The following CACUL1 variants were observed in gnomAD, a reference collection of about 807,000 sequenced individuals.
CACUL1 encodes CDK2 associated cullin domain 1, also known as CDK2-associated and cullin domain-containing protein 1.
CACUL1 carries 13 observed loss-of-function variants against 45.2 expected under a neutral mutation model. The ratio of observed to expected loss-of-function variants is 0.29; its 90% CI spans 0.19 to 0.46. The LOEUF is 0.46. CACUL1 is among the 20% of genes least tolerant of loss of function. The pLI is 1.00. For missense variants in CACUL1, 421 were observed against 471.4 expected (o/e 0.89, Z 0.99); for synonymous variants, 197 against 174.2 (o/e 1.13, Z -1.03).
intron 3 of CACUL1, chr10:118,726,358 C>G: frequency 2.3e-6 from 3 of 1,284,486 alleles, no homozygotes; most frequent in Non-Finnish European, 1.0e-6. Flanking sequence ...CATTTAGTTA[C>G]TCAGCATTCA....
chr10:118,699,376 T>A (rs1458554513), intron 5 of CACUL1, among the ~76,000 whole-genome samples: 2 of 152,212 alleles, frequency 1.3e-5, no homozygotes, highest in African/African-American at 2.4e-5. Context: ...GACAACATGA[T>A]TATGATTATG....
intron 3 of CACUL1, among the ~76,000 whole-genome samples, chr10:118,720,550 G>A (rs1845590402): frequency 6.6e-6 from 1 of 152,174 alleles, no homozygotes; most frequent in Admixed American, 6.5e-5. Flanking sequence ...AATGTACTCT[G>A]TACAAATGCA....
intron 1 of CACUL1, among the ~76,000 whole-genome samples, chr10:118,733,754 G>A (rs1845718361): frequency 6.6e-6 from 1 of 152,188 alleles, no homozygotes; most frequent in South Asian, 2.1e-4. Flanking sequence ...GCTCATGCCT[G>A]TAATCCCAGC....
chr10:118,691,150 G>T, intron 7 of CACUL1, 115 bp downstream of exon 7: 2 of 844,394 alleles, frequency 2.4e-6, no homozygotes, highest in Non-Finnish European at 3.7e-6. Context: ...GCAGCAGCAA[G>T]ACTCTTGGCC....
intron 4 of CACUL1, among the ~76,000 whole-genome samples, chr10:118,703,166 A>C (rs940609662): frequency 5.9e-5 from 9 of 152,320 alleles, no homozygotes; most frequent in South Asian, 4.1e-4. Flanking sequence ...AAAAACAGAA[A>C]GCATGCAAAA....
intron 3 of CACUL1, chr10:118,726,462 GA>G: frequency 2.4e-6 from 1 of 413,802 alleles, no homozygotes. Flanking sequence ...AAGGGCCTGT[GA>G]AGTAGTCAGA....
intron 1 of CACUL1, among the ~76,000 whole-genome samples, chr10:118,753,654 A>G (rs1396260828): frequency 1.3e-5 from 2 of 152,256 alleles, no homozygotes; most frequent in Non-Finnish European, 2.9e-5. Context: ...AATGCGTGCA[A>G]TTGAGCGTTA....
intron 3 of CACUL1, among the ~76,000 whole-genome samples, chr10:118,710,208 G>A (rs10886290): frequency 0.3 from 45,653 of 151,742 alleles, 6,964 homozygotes; most frequent in East Asian, 0.39. Context: ...TTACAGGTGT[G>A]AGCCACCACA....
intron 6 of CACUL1, 86 bp downstream of exon 6, chr10:118,695,055 C>A: frequency 2.4e-6 from 2 of 817,796 alleles, no homozygotes; most frequent in Non-Finnish European, 4.2e-6. Flanking sequence ...ACCATTAAGC[C>A]TCACAAAACA....
chr10:118,721,154 A>T (rs1845596120), intron 3 of CACUL1, among the ~76,000 whole-genome samples: 1 of 152,246 alleles, frequency 6.6e-6, no homozygotes, highest in Non-Finnish European at 1.5e-5. Flanking sequence ...CCTTTAAAAC[A>T]CATAAAAAAT....
chr10:118,690,330 AAG>A, intron 7 of CACUL1, among the ~76,000 whole-genome samples: 1 of 149,092 alleles, frequency 6.7e-6, no homozygotes, highest in Non-Finnish European at 1.5e-5. Flanking sequence ...AAAAAAAAAA[AAG>A]AGTAAGGATT....
At chr10:118,729,527 A>G (rs1313029929) in intron 2 of CACUL1, 130 bp from the exon 3 acceptor site, 3 of 654,328 alleles carry the variant, frequency 4.6e-6, no homozygotes, top group Non-Finnish European at 8.0e-6. Context: ...GTAACCAATC[A>G]CAACTTTTAA....
chr10:118,726,469 TCAGA>T (rs1271401225), intron 3 of CACUL1: 3 of 393,768 alleles, frequency 7.6e-6, no homozygotes, highest in Non-Finnish European at 1.4e-5. Flanking sequence ...TGTGAAGTAG[TCAGA>T]CAGGGAAGCA....
intron 3 of CACUL1, among the ~76,000 whole-genome samples, chr10:118,725,486 C>T (rs1174946074): frequency 2.0e-5 from 3 of 151,826 alleles, no homozygotes; most frequent in Non-Finnish European, 4.4e-5. Context: ...ATAAGAAGAG[C>T]GGAGTTAATA....
chr10:118,749,650 A>T (rs1226778852), intron 1 of CACUL1, among the ~76,000 whole-genome samples: 2 of 152,204 alleles, frequency 1.3e-5, no homozygotes, highest in African/African-American at 2.4e-5. Context: ...ACATGCAGGT[A>T]TTTATTAGGG....
intron 3 of CACUL1, among the ~76,000 whole-genome samples, chr10:118,720,699 T>C (rs1364646040): frequency 6.6e-6 from 1 of 152,218 alleles, no homozygotes; most frequent in African/African-American, 2.4e-5. Flanking sequence ...TTATACCAAG[T>C]ACTTTTTACT....
chr10:118,690,921 C>T (rs1271625740), intron 7 of CACUL1, among the ~76,000 whole-genome samples: 1 of 152,120 alleles, frequency 6.6e-6, no homozygotes, highest in East Asian at 1.9e-4. Flanking sequence ...GGTGGTGGCA[C>T]ACGCCTGTAA....
In CACUL1 at chr10:118,683,004, C is replaced by A. The variant is rs975615954; in HGVS notation, c.*3124G>T. 1 of 152,198 alleles carries A rather than the reference C, an allele frequency of 6.6e-6. No individual in the cohort carries two copies. The highest frequency in any genetic ancestry group is 1.5e-5 in the Non-Finnish European group (1 of 68,034). The allele number at this position is 152,198 out of a possible 1,614,324, so 9.4% of individuals were successfully genotyped here. A position where few individuals can be genotyped will look rare whatever the true frequency, so the allele number is the denominator to read the frequency against. The stretch of plus-strand genomic sequence containing the variant: ...AACCATTAGGATAAAAGTCACAACA[C>A]CAGGTTTTGCTTTCTGCCCCACAAA... On this transcript the variant is annotated 3_prime_UTR_variant, in exon 9 of 9. Transcript: ENST00000369151.
At chr10:118,699,224 C>G (rs1845353376) in intron 5 of CACUL1, among the ~76,000 whole-genome samples, 1 of 152,240 alleles carries the variant, frequency 6.6e-6, no homozygotes, top group African/African-American at 2.4e-5. Context: ...TATCACTTCT[C>G]TAAGTACAAT....
Sources: gnomAD v4.1 joint callset for allele counts (sites outside exome capture counted in the v4.1 genomes callset) on GRCh38, gnomAD v4.1.1 for gene constraint, MANE v1.5 for transcripts, NCBI Gene and HGNC (gene_info 2026-07-23, HGNC 2026-07-21) for gene names.